The following PTPN2 variants were observed in gnomAD, a reference collection of about 807,000 sequenced individuals.
PTPN2 encodes the protein tyrosine-protein phosphatase non-receptor type 2.
Under a neutral mutation model 57.3 loss-of-function variants are expected in PTPN2, and 19 were observed. The observed-to-expected ratio is 0.33, with a 90% CI of 0.23 to 0.49. The LOEUF is 0.49. Ranked by LOEUF, PTPN2 falls within the 20% of genes least tolerant of loss-of-function variation. PTPN2 has a pLI of 0.99. For missense variants in PTPN2, 358 were observed against 501.1 expected, an observed-to-expected ratio of 0.71 and a Z score of 2.73; for synonymous variants, 153 against 164.9, an observed-to-expected ratio of 0.93 and a Z score of 0.55.
chr18:12,847,122 T>A (rs776220070), intron 2 of PTPN2, among the ~76,000 whole-genome samples: 11 of 150,866 alleles, frequency 7.3e-5, no homozygotes, highest in Non-Finnish European at 1.3e-4. Context: ...GGGAAATTGG[T>A]GAGAAAGAGA....
Position 12,794,076 on chromosome 18 carries a change from A to C in PTPN2, c.*202T>G. 1 of 1,426,060 alleles carries C rather than the reference A, an allele frequency of 7.0e-7. No homozygotes were observed. The highest frequency in any genetic ancestry group is 1.6e-5 in the South Asian group (1 of 63,852). 88.3% of individuals were successfully genotyped at this position (1,426,060 alleles called of 1,614,324 possible). ...ATGAATGTCTTTATTTTAGACAGCC[A>C]TTTACAGTTTGGGGTTCAGAGGAAC... On this transcript the variant is annotated 3_prime_UTR_variant, in exon 9 of 9. Coordinates refer to ENST00000309660, the MANE Select transcript of PTPN2 (RefSeq NM_002828.4).
At chr18:12,878,042 A>G (rs993243080) in intron 1 of PTPN2, among the ~76,000 whole-genome samples, 1 of 151,732 alleles carries the variant, frequency 6.6e-6, no homozygotes, top group African/African-American at 2.4e-5. Flanking sequence ...AAAGAAAAAG[A>G]AAAAAGAAAA....
chr18:12,822,045 T>C (rs1200243247), intron 5 of PTPN2, among the ~76,000 whole-genome samples: 1 of 152,154 alleles, frequency 6.6e-6, no homozygotes, highest in African/African-American at 2.4e-5. Flanking sequence ...AGTAGAATGA[T>C]AAAATTTAAA....
At chr18:12,856,403 T>C (rs151077875) in intron 2 of PTPN2, among the ~76,000 whole-genome samples, 1 of 151,958 alleles carries the variant, frequency 6.6e-6, no homozygotes, top group African/African-American at 2.4e-5. Context: ...GGGAGGCATG[T>C]GTGGGGAGGG....
intron 2 of PTPN2, among the ~76,000 whole-genome samples, chr18:12,851,826 T>C (rs992636337): frequency 6.6e-6 from 1 of 152,230 alleles, no homozygotes; most frequent in African/African-American, 2.4e-5. Flanking sequence ...CAACAAACCA[T>C]GGACTATGTA....
At chr18:12,870,869 T>C (rs145355019) in intron 1 of PTPN2, among the ~76,000 whole-genome samples, 190 of 152,222 alleles carry the variant, frequency 1.2e-3, no homozygotes, top group Middle Eastern at 3.4e-3. Context: ...TCCCTATGTA[T>C]ACATGGATTA....
chr18:12,872,583 C>T (rs551003290), intron 1 of PTPN2, among the ~76,000 whole-genome samples: 21 of 152,272 alleles, frequency 1.4e-4, no homozygotes, highest in African/African-American at 4.3e-4. Context: ...GCCACCAGCC[C>T]GGCCCCTGAA....
At chr18:12,867,130 A>G (rs2044022900) in intron 1 of PTPN2, among the ~76,000 whole-genome samples, 1 of 152,016 alleles carries the variant, frequency 6.6e-6, no homozygotes, top group Admixed American at 6.6e-5. Flanking sequence ...ACGTATCTAC[A>G]AAAAATAAAA....
In PTPN2 at chr18:12,836,919, C is replaced by T. The variant is rs192551052; in HGVS notation, c.161-28G>A. On this transcript the variant is annotated intron_variant, in intron 2 of 8. Coordinates refer to ENST00000309660, the MANE Select transcript of PTPN2 (RefSeq NM_002828.4). ...GAAAATAGAGAATGATAAACCACAA[C>T]TGTCATTTCAAAATTACTGTTTTTA... is the stretch of plus-strand genomic sequence containing the variant. 2.1e-5 allele frequency: 28 copies of T among 1,353,152 alleles called. No homozygotes were observed. The Admixed American group carries it at 4.8e-4, about 23-fold the overall frequency. 83.8% of individuals were successfully genotyped at this position (1,353,152 alleles called of 1,614,324 possible).
chr18:12,882,489 T>A lies in PTPN2; in HGVS notation c.69+1584A>T, dbSNP rs150111384. Among the ~76,000 whole-genome samples the A allele has an allele frequency of 5.8e-3, 888 of 152,362 alleles. 7 individuals carry two copies. Among genetic ancestry groups the A allele is most frequent in the African/African-American group, 0.02 (847 of 41,584 alleles). Reference sequence around the variant, plus strand: ...AATTTCTTAAACCAAAATGTTAAGCTGAATTAAGTTATATTCACTTTTCTC... The same window carrying A: ...AATTTCTTAAACCAAAATGTTAAGCAGAATTAAGTTATATTCACTTTTCTC... On this transcript the variant is annotated intron_variant, in intron 1 of 8. Transcript: ENST00000309660.
Position 12,840,851 on chromosome 18 carries a change from C to G in PTPN2, c.161-3960G>C, listed in dbSNP as rs768863710. The G allele has an allele frequency of 3.8e-6, 6 of 1,593,354 alleles. No homozygotes were observed. In the African/African-American group the frequency reaches 6.7e-5, roughly 18 times the overall value. ...CACTCAGGTGTGACTTCCAACTCCTCTCTCACATAAACCCCACTTCTGTGC... is the reference window on the plus strand; with the variant it reads ...CACTCAGGTGTGACTTCCAACTCCTGTCTCACATAAACCCCACTTCTGTGC... On this transcript the variant is annotated intron_variant, in intron 2 of 8. Coordinates refer to ENST00000309660, the MANE Select transcript of PTPN2 (RefSeq NM_002828.4).
chr18:12,832,934 G>A (rs1372468605), intron 3 of PTPN2, among the ~76,000 whole-genome samples: 2 of 152,130 alleles, frequency 1.3e-5, no homozygotes. Context: ...GATTACAGGC[G>A]TGCACCACCA....
chr18:12,864,008 A>T (rs543283638), intron 1 of PTPN2: 2 of 152,350 alleles, frequency 1.3e-5, no homozygotes, highest in Non-Finnish European at 2.9e-5. Flanking sequence ...AATGACAAAG[A>T]AAAGACTGGT....
chr18:12,873,047 C>G (rs1023424297), intron 1 of PTPN2, among the ~76,000 whole-genome samples: 6 of 152,106 alleles, frequency 3.9e-5, no homozygotes, highest in Non-Finnish European at 8.8e-5. Context: ...ACAGCGAAAC[C>G]CCATCTCTAC....
At chr18:12,820,076 C>T (rs1402494227) in intron 5 of PTPN2, among the ~76,000 whole-genome samples, 1 of 152,164 alleles carries the variant, frequency 6.6e-6, no homozygotes, top group East Asian at 1.9e-4. Flanking sequence ...ACCCCACAAT[C>T]TTGGGCAACA....
intron 5 of PTPN2, among the ~76,000 whole-genome samples, chr18:12,820,896 A>G (rs2042249464): frequency 6.6e-6 from 1 of 152,232 alleles, no homozygotes; most frequent in East Asian, 1.9e-4. Flanking sequence ...AAAGTCTTTG[A>G]ACAGCAATGT....
At chr18:12,816,294 T>C (rs2042072194) in intron 6 of PTPN2, among the ~76,000 whole-genome samples, 1 of 152,140 alleles carries the variant, frequency 6.6e-6, no homozygotes. Context: ...GGCAAGACTC[T>C]GTCTAAACAA....
At chr18:12,846,142 C>T (rs1489360908) in intron 2 of PTPN2, among the ~76,000 whole-genome samples, 1 of 152,172 alleles carries the variant, frequency 6.6e-6, no homozygotes, top group Non-Finnish European at 1.5e-5. Context: ...TTCACTGCAT[C>T]TTATCGGGTG....
chr18:12,794,302 C>A lies in PTPN2; in HGVS notation c.1224G>T (p.Leu408=). Residue 408 remains leucine, a synonymous_variant, in exon 9 of 9, where the codon CTG becomes CTT. Coordinates refer to ENST00000309660, the MANE Select transcript of PTPN2 (RefSeq NM_002828.4). ...ILVGAFVGWT[L]FFQQNAL is the part of the protein sequence containing the mutation. ...TTTATAGGGCATTTTGCTGAAAAAA[C>A]AGTGTCCAGCCAACAAAAGCGCCAA... 6.2e-7 allele frequency: 1 copy of A among 1,614,176 alleles called. No homozygotes were observed. The highest frequency in any genetic ancestry group is 1.7e-5 in the Admixed American group (1 of 60,010).
Sources: allele counts gnomAD v4.1 joint callset (sites outside exome capture counted in the v4.1 genomes callset), GRCh38; gene constraint gnomAD v4.1.1; transcripts MANE v1.5; gene names NCBI Gene and HGNC (gene_info 2026-07-23, HGNC 2026-07-21).